Variants in MAST4 observed in about 807,000 individuals in gnomAD.
MAST4 encodes the protein microtubule-associated serine/threonine-protein kinase 4.
MAST4 carries 89 observed loss-of-function variants against 162.7 expected under a neutral mutation model. That is an observed-to-expected ratio of 0.55 (90% CI 0.46 to 0.65). MAST4 has a LOEUF of 0.65. MAST4 is among the 30% of genes least tolerant of loss of function. The probability of loss-of-function intolerance (pLI) is 0.00; values close to 1 mark genes in which losing one functional copy is unlikely to be tolerated. For missense variants in MAST4, 3,153 were observed against 3,374.0 expected (o/e 0.93, Z 1.62); for synonymous variants, 1,479 against 1,361.1 (o/e 1.09, Z -1.91).
Position 67,165,769 on chromosome 5 carries a change from G to A in MAST4, c.6590G>A (p.Gly2197Asp), listed in dbSNP as rs754655702. The change falls in exon 29 of 29, where the codon GGC (glycine) becomes GAC (aspartate). Residue 2197 changes from glycine (G) to aspartate (D), a missense_variant. Transcript: ENST00000403625. ...SESSSHKPRP[G>D]PDPGPPKTKH... ...AGCAGCAGCCACAAGCCCCGGCCTG[G>A]CCCTGACCCGGGCCCTCCAAAGACT... is the stretch of plus-strand genomic sequence containing the variant. 2 of 1,600,910 alleles carry A rather than the reference G, an allele frequency of 1.2e-6. No individual in the cohort carries two copies. The highest frequency in any genetic ancestry group is 1.1e-5 in the South Asian group (1 of 89,618).
At chr5:67,016,486 G>T (rs75208985) in intron 4 of MAST4, among the ~76,000 whole-genome samples, 2,469 of 152,264 alleles carry the variant, frequency 0.016, 33 homozygotes, top group Non-Finnish European at 0.023. Context: ...TGATAATTTT[G>T]ATCTTTGGTA....
At chr5:67,096,111 A>T (rs1434391323) in intron 7 of MAST4, among the ~76,000 whole-genome samples, 2 of 152,164 alleles carry the variant, frequency 1.3e-5, no homozygotes, top group African/African-American at 4.8e-5. Flanking sequence ...TCAAAGAAAA[A>T]AAAAAGGCAA....
chr5:66,731,847 G>C (rs1751877183), intron 1 of MAST4, among the ~76,000 whole-genome samples: 1 of 151,990 alleles, frequency 6.6e-6, no homozygotes, highest in African/African-American at 2.4e-5. Flanking sequence ...ACATGTGCAA[G>C]AACAAATTTC....
chr5:67,158,804 G>T (rs1772851486), intron 26 of MAST4, among the ~76,000 whole-genome samples: 1 of 152,168 alleles, frequency 6.6e-6, no homozygotes, highest in South Asian at 2.1e-4. Context: ...GGAGGCCAAC[G>T]CAGGCAGATC....
chr5:67,154,243 G>T (rs1772213313), intron 26 of MAST4, among the ~76,000 whole-genome samples: 1 of 152,320 alleles, frequency 6.6e-6, no homozygotes, highest in South Asian at 2.1e-4. Flanking sequence ...ATAGCTCTCA[G>T]ATAGTTCTGT....
chr5:67,159,287 C>A (rs1449311845), intron 26 of MAST4, among the ~76,000 whole-genome samples: 3 of 151,672 alleles, frequency 2.0e-5, no homozygotes, highest in Admixed American at 1.3e-4. Context: ...TGAGAAAAAA[C>A]CAGCAGGAAA....
intron 1 of MAST4, among the ~76,000 whole-genome samples, chr5:66,693,394 T>C (rs1341784328): frequency 6.6e-6 from 1 of 152,248 alleles, no homozygotes; most frequent in African/African-American, 2.4e-5. Context: ...TTATTTATCT[T>C]TGTATTCTTT....
At chr5:66,672,175 A>G (rs968073282) in intron 1 of MAST4, among the ~76,000 whole-genome samples, 3 of 152,356 alleles carry the variant, frequency 2.0e-5, no homozygotes, top group East Asian at 1.9e-4. Context: ...AAACACAGAC[A>G]TATGTAGGTT....
At chr5:66,955,404 G>C (rs898195282) in intron 4 of MAST4, among the ~76,000 whole-genome samples, 2 of 152,038 alleles carry the variant, frequency 1.3e-5, no homozygotes, top group African/African-American at 4.8e-5. Flanking sequence ...GTAGTGAGGA[G>C]TGTCAGGGAG....
chr5:66,788,717 T>A lies in MAST4; in HGVS notation c.565T>A (p.Ser189Thr), dbSNP rs757271307. 1 of 1,613,044 alleles carries A rather than the reference T, an allele frequency of 6.2e-7. No individual in the cohort carries two copies. The highest frequency in any genetic ancestry group is 8.5e-7 in the Non-Finnish European group (1 of 1,179,430). Residue 189 changes from serine (S) to threonine (T), a missense_variant, in exon 3 of 29, where the codon TCT (serine) becomes ACT (threonine). Coordinates refer to ENST00000403625, the MANE Select transcript of MAST4 (RefSeq NM_001164664.2). ...NPVAGQAWPA[S>T]AETSNLVRMR... ...GGTGGCGGGACAGGCCTGGCCGGCCTCTGCAGAGACGTCCAACCTCGTGCG... is the reference window on the plus strand; with the variant it reads ...GGTGGCGGGACAGGCCTGGCCGGCCACTGCAGAGACGTCCAACCTCGTGCG...
chr5:66,842,369 T>C (rs1229952567), intron 3 of MAST4, among the ~76,000 whole-genome samples: 2 of 152,164 alleles, frequency 1.3e-5, no homozygotes, highest in Non-Finnish European at 2.9e-5. Context: ...CCAAACACCT[T>C]TTTACCTTTC....
chr5:66,713,527 A>T (rs1282641147), intron 1 of MAST4, among the ~76,000 whole-genome samples: 1 of 152,224 alleles, frequency 6.6e-6, no homozygotes, highest in African/African-American at 2.4e-5. Context: ...TAGGAAATAC[A>T]TTACTCAAAT....
intron 4 of MAST4, among the ~76,000 whole-genome samples, chr5:67,018,799 T>C (rs1249037605): frequency 6.6e-6 from 1 of 152,244 alleles, no homozygotes; most frequent in Non-Finnish European, 1.5e-5. Context: ...AGTACCTTAT[T>C]TGCTTTGCAA....
chr5:67,059,813 A>C (rs1759324745), intron 5 of MAST4, among the ~76,000 whole-genome samples: 1 of 152,176 alleles, frequency 6.6e-6, no homozygotes, highest in Non-Finnish European at 1.5e-5. Flanking sequence ...GTATATATAG[A>C]TTTAGGTTAC....
At position 66,656,162 on chromosome 5, in the gene MAST4, C is replaced by G. The variant is rs567464368; in HGVS notation, c.363+59144C>G. Among the ~76,000 whole-genome samples the G allele has an allele frequency of 1.9e-4, 29 of 152,332 alleles. No homozygotes were observed. In the South Asian group the frequency reaches 5.4e-3, roughly 28 times the overall value. ...GCCAGAGGCACAAGGGGGCCTGGTA[C>G]AGCAGAAGGGCTGGAAGACCTTTCT... On this transcript the variant is annotated intron_variant, in intron 1 of 28. Transcript: ENST00000403625.
In MAST4 at chr5:66,981,688, C is replaced by G. The variant is rs143315453; in HGVS notation, c.675-72716C>G. Among the ~76,000 whole-genome samples the G allele has an allele frequency of 1.5e-3, 235 of 152,250 alleles. 4 individuals carry two copies. In the South Asian group the frequency reaches 0.023, roughly 15 times the overall value. On this transcript the variant is annotated intron_variant, in intron 4 of 28. Coordinates refer to ENST00000403625, the MANE Select transcript of MAST4 (RefSeq NM_001164664.2). ...CCTATAAACAGATTTGGGTTTTTGA[C>G]AGAGAATGCAGACTAGGGCCAAGCT...
At chr5:66,891,719 C>T (rs896289424) in intron 3 of MAST4, among the ~76,000 whole-genome samples, 5 of 152,180 alleles carry the variant, frequency 3.3e-5, no homozygotes, top group African/African-American at 1.2e-4. Context: ...TCCCCTTTCT[C>T]ACCTACTCCC....
At chr5:67,015,351 G>A (rs896776755) in intron 4 of MAST4, among the ~76,000 whole-genome samples, 4 of 152,184 alleles carry the variant, frequency 2.6e-5, no homozygotes, top group African/African-American at 4.8e-5. Flanking sequence ...GTGTCCAGCA[G>A]GCAGTGGCTT....
chr5:66,836,841 G>A (rs1189687712), intron 3 of MAST4, among the ~76,000 whole-genome samples: 1 of 152,136 alleles, frequency 6.6e-6, no homozygotes, highest in Non-Finnish European at 1.5e-5. Flanking sequence ...GGGGTGCTAT[G>A]CTTATTACCT....
Sources: allele counts gnomAD v4.1 joint callset (sites outside exome capture counted in the v4.1 genomes callset), GRCh38; gene constraint gnomAD v4.1.1; transcripts MANE v1.5; gene names NCBI Gene and HGNC (gene_info 2026-07-23, HGNC 2026-07-21).